Variants in GPC5 observed in about 807,000 individuals in gnomAD.
GPC5 encodes glypican-5.
GPC5 carries 47 observed loss-of-function variants against 53.9 expected under a neutral mutation model. The observed-to-expected ratio is 0.87, with a 90% CI of 0.69 to 1.11. The LOEUF (loss-of-function observed/expected upper bound fraction) is 1.11, where lower values mean the gene tolerates loss of function less well. Among genes scored for constraint, GPC5 ranks in the 50% most tolerant of loss-of-function variants. The pLI is 0.00. For synonymous variants in GPC5, 286 were observed against 263.3 expected (o/e 1.09, Z -0.84); for missense variants, 748 against 713.1 (o/e 1.05, Z -0.56).
At chr13:91,999,192 G>A (rs1409663382) in intron 6 of GPC5, among the ~76,000 whole-genome samples, 2 of 127,216 alleles carry the variant, frequency 1.6e-5, no homozygotes, top group Non-Finnish European at 3.3e-5. Flanking sequence ...TCTTCCTTAA[G>A]TGCATCAAAA....
chr13:92,866,717 T>G lies in GPC5; in HGVS notation c.*278T>G. On this transcript the variant is annotated 3_prime_UTR_variant, in exon 8 of 8. Coordinates refer to ENST00000377067, the MANE Select transcript of GPC5 (RefSeq NM_004466.6). ...AGATGTGAAGGGCACAGAAGTGACT[T>G]TGAATAAGAAGAATTTAGTGTATCT... 4.4e-6 allele frequency: 1 copy of G among 229,682 alleles called. No individual in the cohort carries two copies. Among genetic ancestry groups the G allele is most frequent in the Non-Finnish European group, 8.4e-6 (1 of 119,092 alleles). The allele number at this position is 229,682 out of a possible 1,614,324, so 14.2% of individuals were successfully genotyped here.
intron 7 of GPC5, among the ~76,000 whole-genome samples, chr13:92,805,162 G>A (rs999619447): frequency 2.0e-5 from 3 of 151,976 alleles, no homozygotes; most frequent in Middle Eastern, 3.2e-3. Flanking sequence ...AATCACAAAC[G>A]TTATTAATAG....
chr13:91,944,091 C>A (rs934593994), intron 6 of GPC5, among the ~76,000 whole-genome samples: 3 of 151,378 alleles, frequency 2.0e-5, no homozygotes, highest in African/African-American at 4.9e-5. Flanking sequence ...TTTTCTTTTT[C>A]TTTATTTCTT....
intron 1 of GPC5, among the ~76,000 whole-genome samples, chr13:91,422,226 A>G: frequency 6.6e-6 from 1 of 152,372 alleles, no homozygotes; most frequent in South Asian, 2.1e-4. Flanking sequence ...GCGTATAAAA[A>G]TAGAAAAATA....
chr13:91,847,355 T>TTG (rs150598612), intron 5 of GPC5, among the ~76,000 whole-genome samples: 4,435 of 150,202 alleles, frequency 0.03, 72 homozygotes, highest in Middle Eastern at 0.062. Flanking sequence ...TTTATTATAA[T>TTG]TGTGTGTGTG....
At chr13:92,325,830 T>C (rs1252844349) in intron 7 of GPC5, among the ~76,000 whole-genome samples, 1 of 152,034 alleles carries the variant, frequency 6.6e-6, no homozygotes, top group Non-Finnish European at 1.5e-5. Flanking sequence ...ATCAGTGGTT[T>C]CCTATGAACG....
chr13:92,362,003 C>T (rs891957832), intron 7 of GPC5, among the ~76,000 whole-genome samples: 8 of 151,552 alleles, frequency 5.3e-5, no homozygotes, highest in African/African-American at 2.0e-4. Context: ...TAAAAAAATC[C>T]TGTAGATGCA....
chr13:92,367,927 G>T (rs16947476), intron 7 of GPC5, among the ~76,000 whole-genome samples: 2,168 of 152,226 alleles, frequency 0.014, 55 homozygotes, highest in African/African-American at 0.05. Context: ...ACACTTTTGG[G>T]AATGGTCAAC....
intron 2 of GPC5, among the ~76,000 whole-genome samples, chr13:91,623,298 T>C (rs1378031628): frequency 6.6e-6 from 1 of 152,146 alleles, no homozygotes; most frequent in Non-Finnish European, 1.5e-5. Flanking sequence ...CCACAAAGTG[T>C]CAGTGGTGCC....
intron 5 of GPC5, among the ~76,000 whole-genome samples, chr13:91,833,644 A>C (rs1173576855): frequency 6.6e-6 from 1 of 152,154 alleles, no homozygotes; most frequent in African/African-American, 2.4e-5. Flanking sequence ...CAAAAACCAC[A>C]TGATTATCTC....
At chr13:92,209,694 C>G (rs1056509256) in intron 7 of GPC5, among the ~76,000 whole-genome samples, 7 of 152,034 alleles carry the variant, frequency 4.6e-5, no homozygotes, top group Admixed American at 6.5e-5. Context: ...AAAATAGTGT[C>G]TAGTTATTAT....
At chr13:92,592,861 G>A (rs1883757453) in intron 7 of GPC5, among the ~76,000 whole-genome samples, 1 of 151,204 alleles carries the variant, frequency 6.6e-6, no homozygotes, top group African/African-American at 2.4e-5. Context: ...TGAGGTTGAG[G>A]GATGGGCGAT....
intron 2 of GPC5, among the ~76,000 whole-genome samples, chr13:91,484,991 T>G (rs1215043311): frequency 6.6e-6 from 1 of 152,202 alleles, no homozygotes; most frequent in African/African-American, 2.4e-5. Flanking sequence ...CAGTAAGATG[T>G]GTATGATCTG....
intron 1 of GPC5, among the ~76,000 whole-genome samples, chr13:91,407,629 T>G (rs74106719): frequency 0.048 from 7,254 of 152,246 alleles, 328 homozygotes; most frequent in African/African-American, 0.12. Flanking sequence ...AGAAAATAAT[T>G]CAGCTTTTCT....
chr13:91,913,411 G>A (rs2039629297), intron 6 of GPC5, among the ~76,000 whole-genome samples: 4 of 148,278 alleles, frequency 2.7e-5, no homozygotes, highest in South Asian at 4.2e-4. Context: ...AAAAAAAAAA[G>A]GGAAAAGAAA....
chr13:91,699,478 G>A (rs2035950557), intron 3 of GPC5, among the ~76,000 whole-genome samples: 1 of 152,170 alleles, frequency 6.6e-6, no homozygotes, highest in Admixed American at 6.5e-5. Context: ...TGTTAGTAGT[G>A]TTGAAAGATA....
chr13:91,636,848 C>A (rs185405046), intron 2 of GPC5, among the ~76,000 whole-genome samples: 11 of 152,088 alleles, frequency 7.2e-5, no homozygotes, highest in Non-Finnish European at 1.6e-4. Context: ...GACCTGACAA[C>A]TCTGTAGGCT....
At position 92,827,577 on chromosome 13, in the gene GPC5, A is replaced by G. The variant is rs139767361; in HGVS notation, c.1562-38705A>G. Among the ~76,000 whole-genome samples the G allele has an allele frequency of 1.1e-3, 162 of 152,240 alleles. 1 individual carries two copies. Among genetic ancestry groups the G allele is most frequent in the African/African-American group, 3.8e-3 (157 of 41,550 alleles). On this transcript the variant is annotated intron_variant, in intron 7 of 7. Coordinates refer to ENST00000377067, the MANE Select transcript of GPC5 (RefSeq NM_004466.6). The stretch of plus-strand genomic sequence containing the variant: ...GAGGGAGAGGAATTTCTCTGGCTCC[A>G]TTTGCAATTTGGGATCCTGGGACCA...
At chr13:92,637,541 A>G (rs1234009341) in intron 7 of GPC5, among the ~76,000 whole-genome samples, 1 of 152,186 alleles carries the variant, frequency 6.6e-6, no homozygotes, top group Non-Finnish European at 1.5e-5. Context: ...TCAGAAGTGT[A>G]TTGTCTCACT....
Sources: allele counts gnomAD v4.1 joint callset (sites outside exome capture counted in the v4.1 genomes callset), GRCh38; gene constraint gnomAD v4.1.1; transcripts MANE v1.5; gene names NCBI Gene and HGNC (gene_info 2026-07-23, HGNC 2026-07-21).